The following SLC9A9 variants were observed in gnomAD, a reference collection of about 807,000 sequenced individuals.
SLC9A9 encodes sodium/hydrogen exchanger 9.
A neutral mutation model predicts 77.8 loss-of-function variants in SLC9A9; 62 were observed. That is an observed-to-expected ratio of 0.80 (90% CI 0.65 to 0.98). The LOEUF (loss-of-function observed/expected upper bound fraction) is 0.98. Ranked by LOEUF, SLC9A9 falls within the 50% of genes least tolerant of loss-of-function variation. The probability of loss-of-function intolerance (pLI) is 0.00; values close to 1 mark genes in which losing one functional copy is unlikely to be tolerated. For missense variants in SLC9A9, 775 were observed against 774.9 expected (o/e 1.00, Z 0.00); for synonymous variants, 320 against 283.5 (o/e 1.13, Z -1.29).
chr3:143,786,354 G>T (rs1351861558), intron 4 of SLC9A9, among the ~76,000 whole-genome samples: 1 of 152,004 alleles, frequency 6.6e-6, no homozygotes, highest in Non-Finnish European at 1.5e-5. Flanking sequence ...TTCCTAATTT[G>T]GAGTTAGTAT....
intron 14 of SLC9A9, among the ~76,000 whole-genome samples, chr3:143,296,040 C>A (rs1458422276): frequency 2.6e-5 from 4 of 152,146 alleles, no homozygotes; most frequent in Non-Finnish European, 5.9e-5. Flanking sequence ...AGCTGGATAA[C>A]TTTTTTCTTG....
intron 12 of SLC9A9, among the ~76,000 whole-genome samples, chr3:143,466,817 T>A (rs2035287495): frequency 6.6e-6 from 1 of 152,190 alleles, no homozygotes; most frequent in East Asian, 1.9e-4. Context: ...AGGGACAGAC[T>A]ATAAACAGAC....
intron 12 of SLC9A9, among the ~76,000 whole-genome samples, chr3:143,411,367 G>C (rs1412207384): frequency 6.6e-6 from 1 of 151,978 alleles, no homozygotes; most frequent in Non-Finnish European, 1.5e-5. Context: ...TCTGCTTTTG[G>C]CTTACCACTT....
At chr3:143,272,185 C>T (rs1466100571) in intron 14 of SLC9A9, among the ~76,000 whole-genome samples, 2 of 152,172 alleles carry the variant, frequency 1.3e-5, no homozygotes, top group African/African-American at 4.8e-5. Flanking sequence ...TTTTCTTTCA[C>T]TCACTCATTC....
intron 5 of SLC9A9, among the ~76,000 whole-genome samples, chr3:143,683,254 T>C (rs550588750): frequency 1.3e-5 from 2 of 152,282 alleles, no homozygotes; most frequent in East Asian, 3.9e-4. Context: ...AAGCATCGCC[T>C]ATTGAACATT....
intron 14 of SLC9A9, among the ~76,000 whole-genome samples, chr3:143,341,019 A>G (rs571743905): frequency 6.6e-6 from 1 of 152,332 alleles, no homozygotes; most frequent in East Asian, 1.9e-4. Context: ...TAATTCTAAG[A>G]AAGTTCTAAA....
At chr3:143,805,278 A>T in intron 2 of SLC9A9, among the ~76,000 whole-genome samples, 1 of 151,852 alleles carries the variant, frequency 6.6e-6, no homozygotes, top group Non-Finnish European at 1.5e-5. Flanking sequence ...ACCCCACAAT[A>T]TCACCCCTTA....
chr3:143,807,821 T>G (rs2008763378), intron 2 of SLC9A9, among the ~76,000 whole-genome samples: 1 of 151,960 alleles, frequency 6.6e-6, no homozygotes, highest in Non-Finnish European at 1.5e-5. Flanking sequence ...CTGGGTGGAG[T>G]GGGCAAAGGC....
At chr3:143,526,573 T>C (rs2036409560) in intron 9 of SLC9A9, among the ~76,000 whole-genome samples, 1 of 152,152 alleles carries the variant, frequency 6.6e-6, no homozygotes, top group South Asian at 2.1e-4. Flanking sequence ...CCATCATCCT[T>C]CACAGTGCTG....
intron 2 of SLC9A9, among the ~76,000 whole-genome samples, chr3:143,820,892 GTCTT>G (rs1173906747): frequency 6.7e-6 from 1 of 149,632 alleles, no homozygotes. Context: ...CTCAATCCTA[GTCTT>G]TCTTTGTCTT....
intron 5 of SLC9A9, among the ~76,000 whole-genome samples, chr3:143,684,278 A>G (rs1933192267): frequency 6.6e-6 from 1 of 152,172 alleles, no homozygotes. Flanking sequence ...TGATGATGAT[A>G]CAGATAAAGA....
At chr3:143,638,685 A>G (rs2038569694) in intron 6 of SLC9A9, among the ~76,000 whole-genome samples, 1 of 152,250 alleles carries the variant, frequency 6.6e-6, no homozygotes, top group South Asian at 2.1e-4. Flanking sequence ...GCATTCAAAG[A>G]CAGTTCATTT....
chr3:143,381,531 G>A (rs571785349), intron 13 of SLC9A9: 2 of 159,276 alleles, frequency 1.3e-5, no homozygotes, highest in African/African-American at 2.4e-5. Flanking sequence ...ACTAATATAT[G>A]AGGGAAGAAC....
intron 9 of SLC9A9, among the ~76,000 whole-genome samples, chr3:143,550,442 G>C (rs1246321544): frequency 2.6e-5 from 4 of 152,160 alleles, no homozygotes; most frequent in African/African-American, 4.8e-5. Flanking sequence ...GATCAGCTTG[G>C]CCTCTGGACT....
At chr3:143,373,868 G>C (rs941192006) in intron 13 of SLC9A9, among the ~76,000 whole-genome samples, 37 of 152,100 alleles carry the variant, frequency 2.4e-4, no homozygotes, top group African/African-American at 8.9e-4. Context: ...GGGCTAGAAA[G>C]AGGGCAGTAG....
Position 143,493,704 on chromosome 3 carries a change from C to T in SLC9A9, c.1264G>A (p.Gly422Ser), listed in dbSNP as rs1326401458. ...IYPLSFLLNLGRKQKIPWNFQ... is the reference protein window; with the variant it reads ...IYPLSFLLNLSRKQKIPWNFQ... ...TTCCAGGGGATCTTCTGTTTTCGGC[C>T]TAGATTCAGGAGGAAGGAGAGGGGA... The change falls in exon 11 of 16, where the codon GGC becomes AGC. Residue 422 changes from glycine (G) to serine (S), a missense_variant. Gly to Ser is a moderately conservative substitution (Grantham distance 56, BLOSUM62 0). Coordinates refer to ENST00000316549, the MANE Select transcript of SLC9A9 (RefSeq NM_173653.4). The T allele has an allele frequency of 8.1e-6, 13 of 1,614,028 alleles. No individual in the cohort carries two copies. Among genetic ancestry groups the T allele is most frequent in the Non-Finnish European group, 1.1e-5 (13 of 1,179,964 alleles).
intron 12 of SLC9A9, among the ~76,000 whole-genome samples, chr3:143,431,267 T>C (rs751604038): frequency 3.3e-5 from 5 of 152,176 alleles, no homozygotes; most frequent in Non-Finnish European, 5.9e-5. Context: ...CACACAGTGC[T>C]TTGAGCTCCA....
intron 13 of SLC9A9, among the ~76,000 whole-genome samples, chr3:143,364,893 T>C (rs1445784420): frequency 6.6e-6 from 1 of 152,208 alleles, no homozygotes; most frequent in Non-Finnish European, 1.5e-5. Context: ...TCACTGTTCA[T>C]TTGATGTTGA....
intron 12 of SLC9A9, among the ~76,000 whole-genome samples, chr3:143,408,963 C>T (rs956210147): frequency 3.9e-5 from 6 of 152,172 alleles, no homozygotes; most frequent in Non-Finnish European, 7.4e-5. Flanking sequence ...AAGGAAAAGA[C>T]AAAAGAACCC....
Sources: allele counts gnomAD v4.1 joint callset (sites outside exome capture counted in the v4.1 genomes callset), GRCh38; gene constraint gnomAD v4.1.1; transcripts MANE v1.5; gene names NCBI Gene and HGNC (gene_info 2026-07-23, HGNC 2026-07-21).